The following UBE2E2 variants were observed in gnomAD, a reference collection of about 807,000 sequenced individuals.
UBE2E2 encodes ubiquitin-conjugating enzyme E2 E2.
Under a neutral mutation model 24.7 loss-of-function variants are expected in UBE2E2, and 6 were observed. That is an observed-to-expected ratio of 0.24 (90% CI 0.13 to 0.48). UBE2E2 has a LOEUF of 0.48. Among genes scored for constraint, UBE2E2 ranks in the 20% least tolerant of loss-of-function variants. UBE2E2 has a pLI of 0.99. For synonymous variants in UBE2E2, 104 were observed against 83.6 expected (o/e 1.24, Z -1.33); for missense variants, 169 against 245.0 (o/e 0.69, Z 2.07).
At chr3:23,476,057 C>A (rs1262607805) in intron 3 of UBE2E2, among the ~76,000 whole-genome samples, 1 of 152,050 alleles carries the variant, frequency 6.6e-6, no homozygotes, top group African/African-American at 2.4e-5. Context: ...TTCAAAACCT[C>A]TCCTCTTCCT....
intron 3 of UBE2E2, among the ~76,000 whole-genome samples, chr3:23,354,746 T>C (rs2125324792): frequency 6.6e-6 from 1 of 152,242 alleles, no homozygotes; most frequent in Admixed American, 6.5e-5. Flanking sequence ...CTGGAGAGGA[T>C]GTGGAGAAAC....
intron 3 of UBE2E2, among the ~76,000 whole-genome samples, chr3:23,361,157 T>A (rs1012016084): frequency 1.3e-5 from 2 of 152,166 alleles, no homozygotes; most frequent in Non-Finnish European, 2.9e-5. Context: ...AGAATGGCCA[T>A]AATTTAAAAA....
intron 3 of UBE2E2, among the ~76,000 whole-genome samples, chr3:23,408,132 A>C (rs957471996): frequency 3.9e-5 from 6 of 152,200 alleles, no homozygotes; most frequent in Admixed American, 2.0e-4. Context: ...TGTATTTAGT[A>C]AGCCAAAGCC....
intron 5 of UBE2E2, among the ~76,000 whole-genome samples, chr3:23,544,784 C>T (rs1695479292): frequency 1.3e-5 from 2 of 152,134 alleles, no homozygotes; most frequent in Admixed American, 1.3e-4. Context: ...CCCAGGGAAC[C>T]AGCGTTCAGC....
intron 3 of UBE2E2, among the ~76,000 whole-genome samples, chr3:23,389,026 A>G (rs1696875052): frequency 6.6e-6 from 1 of 151,892 alleles, no homozygotes; most frequent in South Asian, 2.1e-4. Context: ...AAAGAAAAAG[A>G]AAAAGAAAAA....
intron 2 of UBE2E2, among the ~76,000 whole-genome samples, chr3:23,211,925 A>G (rs1305342923): frequency 1.3e-5 from 2 of 152,192 alleles, no homozygotes; most frequent in Non-Finnish European, 2.9e-5. Flanking sequence ...ACTTTGGAAA[A>G]ATGAGGTATA....
intron 4 of UBE2E2, among the ~76,000 whole-genome samples, chr3:23,517,347 T>G (rs1237437603): frequency 2.0e-5 from 3 of 152,134 alleles, no homozygotes; most frequent in Non-Finnish European, 4.4e-5. Flanking sequence ...TTGCCTTAAA[T>G]CAAAATTTGA....
At chr3:23,494,583 A>C (rs1018019109) in intron 3 of UBE2E2, among the ~76,000 whole-genome samples, 1 of 152,196 alleles carries the variant, frequency 6.6e-6, no homozygotes, top group Non-Finnish European at 1.5e-5. Context: ...TACATATCCA[A>C]ATAGGAGTGG....
At chr3:23,382,743 C>T (rs1296822820) in intron 3 of UBE2E2, among the ~76,000 whole-genome samples, 1 of 152,146 alleles carries the variant, frequency 6.6e-6, no homozygotes, top group African/African-American at 2.4e-5. Context: ...ACCATTTAGG[C>T]TTATCAATAC....
intron 4 of UBE2E2, among the ~76,000 whole-genome samples, chr3:23,506,333 T>C (rs534251138): frequency 2.6e-5 from 4 of 152,224 alleles, no homozygotes; most frequent in East Asian, 1.9e-4. Flanking sequence ...AACCAAATTA[T>C]TGATTACCCC....
chr3:23,314,299 T>C (rs970754056), intron 3 of UBE2E2, among the ~76,000 whole-genome samples: 5 of 152,122 alleles, frequency 3.3e-5, no homozygotes, highest in African/African-American at 1.2e-4. Flanking sequence ...TGGCTAACTT[T>C]TATATTTTTT....
chr3:23,509,456 G>A (rs1336473185), intron 4 of UBE2E2, among the ~76,000 whole-genome samples: 3 of 152,108 alleles, frequency 2.0e-5, no homozygotes, highest in South Asian at 2.1e-4. Flanking sequence ...TATTTGTGAC[G>A]TTATTTTGTT....
At chr3:23,581,343 C>T (rs1225384245) in intron 5 of UBE2E2, among the ~76,000 whole-genome samples, 1 of 152,062 alleles carries the variant, frequency 6.6e-6, no homozygotes, top group African/African-American at 2.4e-5. Context: ...ATGGTTAAAG[C>T]ATGAGGGGAG....
chr3:23,233,881 A>T (rs186728674), intron 3 of UBE2E2, among the ~76,000 whole-genome samples: 9 of 152,332 alleles, frequency 5.9e-5, no homozygotes, highest in Non-Finnish European at 1.2e-4. Flanking sequence ...TGAATATATT[A>T]TAATGGACAG....
At chr3:23,338,367 A>G (rs1695274066) in intron 3 of UBE2E2, among the ~76,000 whole-genome samples, 1 of 152,210 alleles carries the variant, frequency 6.6e-6, no homozygotes, top group Admixed American at 6.5e-5. Context: ...GGGAATCTAT[A>G]ATGAACCTTG....
At chr3:23,292,620 C>T (rs1431307625) in intron 3 of UBE2E2, among the ~76,000 whole-genome samples, 1 of 152,188 alleles carries the variant, frequency 6.6e-6, no homozygotes, top group African/African-American at 2.4e-5. Context: ...TCCTGGGAGC[C>T]CTCCAGCCTT....
intron 3 of UBE2E2, among the ~76,000 whole-genome samples, chr3:23,366,124 A>G (rs1402261554): frequency 2.6e-5 from 4 of 152,238 alleles, no homozygotes; most frequent in African/African-American, 9.6e-5. Flanking sequence ...ATACCATCTC[A>G]CACCAGTCAG....
At chr3:23,375,113 A>C (rs1696489355) in intron 3 of UBE2E2, among the ~76,000 whole-genome samples, 1 of 152,180 alleles carries the variant, frequency 6.6e-6, no homozygotes, top group South Asian at 2.1e-4. Context: ...GTGCTATAAA[A>C]GGGTTGTTAG....
At chr3:23,282,588 T>G (rs1698514421) in intron 3 of UBE2E2, among the ~76,000 whole-genome samples, 1 of 152,202 alleles carries the variant, frequency 6.6e-6, no homozygotes, top group Admixed American at 6.5e-5. Context: ...TAATACTACA[T>G]TTGATTGTCC....
Sources: gnomAD v4.1 joint callset for allele counts (sites outside exome capture counted in the v4.1 genomes callset) on GRCh38, gnomAD v4.1.1 for gene constraint, MANE v1.5 for transcripts, NCBI Gene and HGNC (gene_info 2026-07-23, HGNC 2026-07-21) for gene names.